Variants in PALS2 observed in about 807,000 individuals in gnomAD.
PALS2 encodes the protein protein PALS2.
Under a neutral mutation model 61.6 loss-of-function variants are expected in PALS2, and 27 were observed. The observed-to-expected ratio is 0.44, with a 90% CI of 0.32 to 0.60. The LOEUF (loss-of-function observed/expected upper bound fraction) is 0.60. Among genes scored for constraint, PALS2 ranks in the 20% least tolerant of loss-of-function variants. The probability of loss-of-function intolerance (pLI) is 0.05; values close to 1 mark genes in which losing one functional copy is unlikely to be tolerated. For missense variants in PALS2, 554 were observed against 639.4 expected (o/e 0.87, Z 1.44); for synonymous variants, 236 against 218.6 (o/e 1.08, Z -0.70).
chr7:24,642,812 G>A (rs960810278), intron 3 of PALS2, among the ~76,000 whole-genome samples: 2 of 152,116 alleles, frequency 1.3e-5, no homozygotes, highest in Non-Finnish European at 2.9e-5. Flanking sequence ...TCCTGTGCAG[G>A]TCCCAGTTGA....
At position 24,687,716 on chromosome 7, in the gene PALS2, T is replaced by G; in HGVS notation, c.*102T>G. The G allele has an allele frequency of 8.4e-7, 1 of 1,187,578 alleles. No individual in the cohort carries two copies. The highest frequency in any genetic ancestry group is 1.2e-6 in the Non-Finnish European group (1 of 863,356). The allele number at this position is 1,187,578 out of a possible 1,614,324, so 73.6% of individuals were successfully genotyped here. ...ACATCACAGATAGAAGATTATCTGC[T>G]AAGTCCAGGCATTTTTATGGTGTAG... is the stretch of plus-strand genomic sequence containing the variant. On this transcript the variant is annotated 3_prime_UTR_variant, in exon 12 of 12. Coordinates refer to ENST00000222644, the MANE Select transcript of PALS2 (RefSeq NM_001303037.2). The surrounding 1 kb of genome is among the most constrained non-coding windows in gnomAD (Gnocchi z 4.5).
At chr7:24,576,776 T>A (rs1782656417) in intron 1 of PALS2, among the ~76,000 whole-genome samples, 1 of 152,144 alleles carries the variant, frequency 6.6e-6, no homozygotes, top group Non-Finnish European at 1.5e-5. Flanking sequence ...TTAAACAAAT[T>A]GGTCTCCTCT....
chr7:24,641,647 G>A (rs1785557954), intron 2 of PALS2, 69 bp from the exon 3 acceptor site: 3 of 1,351,258 alleles, frequency 2.2e-6, no homozygotes, highest in South Asian at 1.4e-5. Flanking sequence ...TTACGAAAAA[G>A]AAATAAACCA....
At chr7:24,581,850 C>T (rs1021711595) in intron 1 of PALS2, among the ~76,000 whole-genome samples, 10 of 152,086 alleles carry the variant, frequency 6.6e-5, no homozygotes, top group African/African-American at 9.7e-5. Context: ...TTGATCAGAA[C>T]GGGTGGTAGT....
intron 3 of PALS2, among the ~76,000 whole-genome samples, chr7:24,645,029 A>G (rs1785758525): frequency 6.6e-6 from 1 of 152,084 alleles, no homozygotes; most frequent in Non-Finnish European, 1.5e-5. Context: ...TAGATGCTGG[A>G]TACTAGACAT....
At chr7:24,682,262 C>T (rs1031067735) in intron 11 of PALS2, among the ~76,000 whole-genome samples, 7 of 152,120 alleles carry the variant, frequency 4.6e-5, no homozygotes, top group Admixed American at 4.6e-4. Flanking sequence ...GGAATAGGTA[C>T]CATTCCTGGG....
At chr7:24,613,186 T>G (rs912164315) in intron 1 of PALS2, among the ~76,000 whole-genome samples, 12 of 151,908 alleles carry the variant, frequency 7.9e-5, no homozygotes, top group Middle Eastern at 6.8e-3. Context: ...ATCTCCATCT[T>G]AAAGGTTTGA....
At chr7:24,576,262 G>GTCTTTGTT (rs1782639133) in intron 1 of PALS2, among the ~76,000 whole-genome samples, 1 of 152,056 alleles carries the variant, frequency 6.6e-6, no homozygotes, top group African/African-American at 2.4e-5. Flanking sequence ...TTTTGTTGTA[G>GTCTTTGTT]GGACCAGTTT....
At chr7:24,590,845 C>CTTT (rs35467271) in intron 1 of PALS2, among the ~76,000 whole-genome samples, 1 of 133,202 alleles carries the variant, frequency 7.5e-6, no homozygotes. Context: ...TTCTTGGGGA[C>CTTT]TTTTTTTTTT....
intron 1 of PALS2, among the ~76,000 whole-genome samples, chr7:24,611,633 A>G (rs1173456738): frequency 6.6e-6 from 1 of 151,980 alleles, no homozygotes; most frequent in East Asian, 1.9e-4. Flanking sequence ...GTTTATCAGA[A>G]TTATGAAGTA....
At chr7:24,654,254 C>T (rs903982993) in intron 5 of PALS2, among the ~76,000 whole-genome samples, 1 of 150,484 alleles carries the variant, frequency 6.6e-6, no homozygotes, top group African/African-American at 2.4e-5. Context: ...ACTAGCACCA[C>T]TTATATTTAA....
intron 2 of PALS2, among the ~76,000 whole-genome samples, chr7:24,639,557 C>T (rs1322672279): frequency 6.6e-6 from 1 of 151,832 alleles, no homozygotes; most frequent in East Asian, 1.9e-4. Flanking sequence ...TGGAGTATTA[C>T]AAGGTTAAAG....
chr7:24,598,825 T>C (rs1783613641), intron 1 of PALS2, among the ~76,000 whole-genome samples: 1 of 152,204 alleles, frequency 6.6e-6, no homozygotes, highest in South Asian at 2.1e-4. Flanking sequence ...TGAGCATTCA[T>C]GCCCAGAAGG....
At chr7:24,606,033 C>A (rs908051574) in intron 1 of PALS2, among the ~76,000 whole-genome samples, 1 of 152,048 alleles carries the variant, frequency 6.6e-6, no homozygotes, top group Non-Finnish European at 1.5e-5. Flanking sequence ...TTTAAAATCC[C>A]ATGACTTATA....
In PALS2 at chr7:24,623,703, C is replaced by A. The variant is rs1784618114; in HGVS notation, c.36C>A (p.Pro12=). ...QQVLENLTEL[P]SSTGAEEIDL... is the part of the protein sequence containing the mutation. ...TCTTGGAAAACCTTACGGAGCTGCC[C>A]TCGTCTACTGGAGCAGAAGAAATAG... Residue 12 remains proline, a synonymous_variant, in exon 2 of 12, where the codon CCC becomes CCA. Coordinates refer to ENST00000222644, the MANE Select transcript of PALS2 (RefSeq NM_001303037.2). The A allele has an allele frequency of 3.1e-6, 5 of 1,606,790 alleles. No homozygotes were observed. In the African/African-American group the frequency reaches 5.4e-5, roughly 17 times the overall value.
intron 5 of PALS2, among the ~76,000 whole-genome samples, chr7:24,653,068 A>G (rs1015714474): frequency 2.5e-4 from 38 of 152,220 alleles, no homozygotes; most frequent in African/African-American, 7.2e-4. Context: ...CTTTGGAACC[A>G]ACATGACCTG....
intron 1 of PALS2, among the ~76,000 whole-genome samples, chr7:24,590,074 C>T (rs1462288808): frequency 6.6e-6 from 1 of 152,086 alleles, no homozygotes; most frequent in Admixed American, 6.6e-5. Context: ...TCTTAGAAAG[C>T]ATATGTTTAT....
chr7:24,598,194 T>G (rs1168542490), intron 1 of PALS2, among the ~76,000 whole-genome samples: 1 of 152,228 alleles, frequency 6.6e-6, no homozygotes, highest in African/African-American at 2.4e-5. Flanking sequence ...AAGGAAGTTC[T>G]GTTAAAGCAG....
chr7:24,619,246 T>C (rs1784403607), intron 1 of PALS2, among the ~76,000 whole-genome samples: 1 of 151,532 alleles, frequency 6.6e-6, no homozygotes, highest in African/African-American at 2.4e-5. Context: ...TTTGTTTTCC[T>C]CTCTTTTTAT....
Sources: allele counts gnomAD v4.1 joint callset (sites outside exome capture counted in the v4.1 genomes callset), GRCh38; gene constraint gnomAD v4.1.1; non-coding constraint Gnocchi (gnomAD v3.1); transcripts MANE v1.5; gene names NCBI Gene and HGNC (gene_info 2026-07-23, HGNC 2026-07-21).